The following NCKAP5 variants were observed in gnomAD, a reference collection of about 807,000 sequenced individuals.
The protein encoded by NCKAP5 is nck-associated protein 5.
Under a neutral mutation model 167.0 loss-of-function variants are expected in NCKAP5, and 92 were observed. The ratio of observed to expected loss-of-function variants is 0.55; its 90% CI spans 0.47 to 0.66. The LOEUF (loss-of-function observed/expected upper bound fraction) is 0.66, where lower values mean the gene tolerates loss of function less well. Among genes scored for constraint, NCKAP5 ranks in the 30% least tolerant of loss-of-function variants. The probability of loss-of-function intolerance (pLI) is 0.00; values close to 1 mark genes in which losing one functional copy is unlikely to be tolerated. For missense variants in NCKAP5, 2,378 were observed against 2,315.0 expected (o/e 1.03, Z -0.56); for synonymous variants, 891 against 877.4 (o/e 1.02, Z -0.27).
intron 8 of NCKAP5, among the ~76,000 whole-genome samples, chr2:132,898,201 T>C (rs928418056): frequency 1.3e-5 from 2 of 152,204 alleles, no homozygotes; most frequent in African/African-American, 4.8e-5. Flanking sequence ...GCAGATTTCA[T>C]CTCAAGAAAT....
chr2:133,081,046 C>CA (rs997120241), intron 6 of NCKAP5, among the ~76,000 whole-genome samples: 1 of 151,998 alleles, frequency 6.6e-6, no homozygotes, highest in Admixed American at 6.6e-5. Flanking sequence ...GGACTCCATC[C>CA]AAAATGCTGG....
At chr2:133,036,282 T>C (rs1294961207) in intron 6 of NCKAP5, among the ~76,000 whole-genome samples, 1 of 151,904 alleles carries the variant, frequency 6.6e-6, no homozygotes, top group Non-Finnish European at 1.5e-5. Context: ...CAAATGATTC[T>C]GAAAGATAGA....
At chr2:133,628,333 T>A in the NCKAP5 span, among the ~76,000 whole-genome samples, 2 of 152,102 alleles carry the variant, frequency 1.3e-5, no homozygotes. Context: ...ATCTCAAGTA[T>A]TCCTGTACAC....
chr2:133,367,722 A>G (rs542475495), intron 3 of NCKAP5, among the ~76,000 whole-genome samples: 11 of 152,316 alleles, frequency 7.2e-5, no homozygotes, highest in African/African-American at 2.4e-4. Flanking sequence ...ACTCAAATAC[A>G]TTAATAGTTC....
intron 5 of NCKAP5, among the ~76,000 whole-genome samples, chr2:133,159,527 A>G (rs2083703746): frequency 6.6e-6 from 1 of 152,118 alleles, no homozygotes; most frequent in Non-Finnish European, 1.5e-5. Context: ...TAATACAAAG[A>G]CCCTATGAAC....
intron 8 of NCKAP5, among the ~76,000 whole-genome samples, chr2:132,958,345 T>C (rs2076404043): frequency 6.6e-6 from 1 of 152,180 alleles, no homozygotes; most frequent in African/African-American, 2.4e-5. Flanking sequence ...ACTAGTCTAC[T>C]AATATTGTTT....
At chr2:132,815,922 G>A (rs1013465922) in intron 11 of NCKAP5, among the ~76,000 whole-genome samples, 4 of 152,128 alleles carry the variant, frequency 2.6e-5, no homozygotes, top group African/African-American at 9.7e-5. Flanking sequence ...GAAATCCTGG[G>A]CTCAGCCTCA....
At chr2:132,852,557 G>T (rs1689156857) in intron 11 of NCKAP5, among the ~76,000 whole-genome samples, 2 of 152,184 alleles carry the variant, frequency 1.3e-5, no homozygotes, top group South Asian at 4.1e-4. Context: ...TTCCTACAGA[G>T]CTGGATGAGT....
chr2:132,811,345 C>G (rs1352004275), intron 11 of NCKAP5, among the ~76,000 whole-genome samples: 1 of 152,138 alleles, frequency 6.6e-6, no homozygotes, highest in Non-Finnish European at 1.5e-5. Flanking sequence ...ATTACATGCC[C>G]TTTGTCTTCT....
At chr2:133,029,201 C>T (rs1383445951) in intron 6 of NCKAP5, among the ~76,000 whole-genome samples, 3 of 152,150 alleles carry the variant, frequency 2.0e-5, no homozygotes, top group African/African-American at 7.2e-5. Context: ...CATTTTACAG[C>T]AACATAGGCA....
chr2:133,100,258 C>T (rs1574028642), intron 6 of NCKAP5, among the ~76,000 whole-genome samples: 1 of 152,282 alleles, frequency 6.6e-6, no homozygotes, highest in African/African-American at 2.4e-5. Context: ...GAGTGGATCC[C>T]ACTTTAATTA....
intron 3 of NCKAP5, among the ~76,000 whole-genome samples, chr2:133,336,134 C>T (rs1683193999): frequency 6.6e-6 from 1 of 152,064 alleles, no homozygotes; most frequent in African/African-American, 2.4e-5. Flanking sequence ...TTATTTCTTG[C>T]AGCCCCAACA....
the NCKAP5 span, among the ~76,000 whole-genome samples, chr2:133,598,669 TGG>T: frequency 6.6e-6 from 1 of 152,144 alleles, no homozygotes; most frequent in Non-Finnish European, 1.5e-5. Context: ...GTGGAAGAGA[TGG>T]GGAGTCCCAA....
intron 3 of NCKAP5, among the ~76,000 whole-genome samples, chr2:133,452,641 T>C (rs1023645190): frequency 6.6e-6 from 1 of 152,196 alleles, no homozygotes; most frequent in East Asian, 1.9e-4. Context: ...ATGTAAGATG[T>C]TGACATGACA....
chr2:133,454,510 C>T (rs1443878615), intron 3 of NCKAP5, among the ~76,000 whole-genome samples: 3 of 152,022 alleles, frequency 2.0e-5, no homozygotes, highest in Non-Finnish European at 4.4e-5. Context: ...TTGGTATTGA[C>T]ATCATAGATC....
At chr2:133,481,058 T>C (rs546020294) in intron 3 of NCKAP5, among the ~76,000 whole-genome samples, 6 of 152,278 alleles carry the variant, frequency 3.9e-5, no homozygotes, top group Non-Finnish European at 7.4e-5. Flanking sequence ...TATCATACCA[T>C]TGGATAATAG....
intron 6 of NCKAP5, among the ~76,000 whole-genome samples, chr2:133,008,990 C>A (rs1046804054): frequency 6.6e-6 from 1 of 152,144 alleles, no homozygotes; most frequent in Non-Finnish European, 1.5e-5. Context: ...CAGCTTAAGT[C>A]CCATCTCCTG....
At chr2:133,363,886 T>A (rs1321696907) in intron 3 of NCKAP5, among the ~76,000 whole-genome samples, 2 of 152,212 alleles carry the variant, frequency 1.3e-5, no homozygotes, top group East Asian at 3.8e-4. Context: ...TGTAACAGAC[T>A]TGTAACATTA....
At chr2:133,319,459 C>CTT (rs200789901) in intron 3 of NCKAP5, among the ~76,000 whole-genome samples, 2 of 150,978 alleles carry the variant, frequency 1.3e-5, no homozygotes, top group Non-Finnish European at 3.0e-5. Context: ...GGGATGTTAC[C>CTT]TTTTTTTTTA....
Sources: allele counts gnomAD v4.1 joint callset (sites outside exome capture counted in the v4.1 genomes callset), GRCh38; gene constraint gnomAD v4.1.1; transcripts MANE v1.5; gene names NCBI Gene and HGNC (gene_info 2026-07-23, HGNC 2026-07-21).